Variants in MYRIP observed in about 807,000 individuals in gnomAD.
MYRIP encodes myosin VIIA and Rab interacting protein.
MYRIP carries 49 observed loss-of-function variants against 98.0 expected under a neutral mutation model. The ratio of observed to expected loss-of-function variants is 0.50; its 90% confidence interval spans 0.40 to 0.63. The LOEUF is 0.63. MYRIP is among the 30% of genes least tolerant of loss of function. The probability of loss-of-function intolerance (pLI) is 0.00; values close to 1 mark genes in which losing one functional copy is unlikely to be tolerated. For synonymous variants in MYRIP, 404 were observed against 409.5 expected (o/e 0.99, Z 0.16); for missense variants, 1,004 against 1,058.2 (o/e 0.95, Z 0.71).
chr3:40,117,152 G>A (rs1186080335), intron 3 of MYRIP, among the ~76,000 whole-genome samples: 1 of 152,154 alleles, frequency 6.6e-6, no homozygotes, highest in Non-Finnish European at 1.5e-5. Context: ...TTGTTATTTT[G>A]ACATTTTTGT....
chr3:39,908,729 A>G (rs1467587782), intron 2 of MYRIP, among the ~76,000 whole-genome samples: 1 of 152,232 alleles, frequency 6.6e-6, no homozygotes, highest in Non-Finnish European at 1.5e-5. Flanking sequence ...TTCAAACAGT[A>G]ACATTCCTTT....
At chr3:40,142,277 T>C (rs1213901154) in intron 3 of MYRIP, among the ~76,000 whole-genome samples, 2 of 152,068 alleles carry the variant, frequency 1.3e-5, no homozygotes, top group Admixed American at 6.6e-5. Flanking sequence ...GGTCTCGAAC[T>C]CCCGACCTCA....
Position 39,895,347 on chromosome 3 carries a change from C to T in MYRIP, c.-30-5440C>T, listed in dbSNP as rs990191442. On this transcript the variant is annotated intron_variant, in intron 1 of 16. Coordinates refer to ENST00000302541, the MANE Select transcript of MYRIP (RefSeq NM_015460.4). ...GACTACAGGTGCCTGCCACCACGCT[C>T]GGCTAATTTTTGTATTTTTATTAGA... Among the ~76,000 whole-genome samples the T allele has an allele frequency of 4.0e-5, 6 of 151,868 alleles. No individual in the cohort carries two copies. In the East Asian group the frequency reaches 9.7e-4, roughly 24 times the overall value.
intron 3 of MYRIP, among the ~76,000 whole-genome samples, chr3:40,134,327 G>A (rs1385983164): frequency 6.6e-6 from 1 of 152,216 alleles, no homozygotes; most frequent in Admixed American, 6.5e-5. Flanking sequence ...GCGGCAGCGA[G>A]GCTGCGGGAG....
At chr3:40,051,412 G>T (rs761171401) in intron 3 of MYRIP, among the ~76,000 whole-genome samples, 3 of 151,982 alleles carry the variant, frequency 2.0e-5, no homozygotes, top group Non-Finnish European at 4.4e-5. Flanking sequence ...TACATTTTTG[G>T]GGCACAATGC....
rs752457113 is a variant in MYRIP, at chr3:40,166,866, T to G, written c.571T>G (p.Leu191Val). Residue 191 changes from leucine to valine, a missense_variant, in exon 6 of 17, where the codon TTG becomes GTG. By Grantham distance (32) the Leu-to-Val change is conservative. Transcript: ENST00000302541. ...TCTAGGACATAGTGTGATGGACACCTTGGCTGTGGCCCTACGGGTGGCTGA... is the reference window on the plus strand; with the variant it reads ...TCTAGGACATAGTGTGATGGACACCGTGGCTGTGGCCCTACGGGTGGCTGA... ...QSEGHSVMDT[L>V]AVALRVAEEA... The G allele has an allele frequency of 6.2e-7, 1 of 1,613,580 alleles. No homozygotes were observed. Among genetic ancestry groups the G allele is most frequent in the Non-Finnish European group, 8.5e-7 (1 of 1,179,512 alleles).
At chr3:40,158,157 A>G (rs979022300) in intron 4 of MYRIP, among the ~76,000 whole-genome samples, 4 of 151,342 alleles carry the variant, frequency 2.6e-5, no homozygotes, top group Admixed American at 2.6e-4. Flanking sequence ...CCCTCTACAC[A>G]CTGCTTTGAA....
At chr3:39,840,114 T>C (rs998984544) in intron 1 of MYRIP, among the ~76,000 whole-genome samples, 2 of 152,196 alleles carry the variant, frequency 1.3e-5, no homozygotes, top group Non-Finnish European at 2.9e-5. Context: ...CTAAGTCTTT[T>C]TGTAGGTCTC....
intron 1 of MYRIP, among the ~76,000 whole-genome samples, chr3:39,843,873 T>A (rs1941880975): frequency 6.6e-6 from 1 of 152,142 alleles, no homozygotes; most frequent in Admixed American, 6.5e-5. Context: ...GCAGTGGAGA[T>A]AGATTAGGTC....
chr3:40,026,688 T>C (rs181938052), intron 2 of MYRIP, among the ~76,000 whole-genome samples: 2 of 152,180 alleles, frequency 1.3e-5, no homozygotes, highest in Middle Eastern at 3.2e-3. Context: ...CATTCACTGT[T>C]CAGTCTGCAA....
chr3:39,998,362 A>G (rs1946423730), intron 2 of MYRIP, among the ~76,000 whole-genome samples: 1 of 152,230 alleles, frequency 6.6e-6, no homozygotes, highest in Non-Finnish European at 1.5e-5. Context: ...ATCTGCAAAA[A>G]TCACAAGCAT....
At chr3:40,050,388 C>T (rs1340252249) in intron 3 of MYRIP, among the ~76,000 whole-genome samples, 2 of 151,944 alleles carry the variant, frequency 1.3e-5, no homozygotes, top group African/African-American at 2.4e-5. Context: ...AACAACAAAG[C>T]CTGAATGATA....
chr3:40,074,331 C>T (rs1415801142), intron 3 of MYRIP, among the ~76,000 whole-genome samples: 1 of 151,970 alleles, frequency 6.6e-6, no homozygotes, highest in Non-Finnish European at 1.5e-5. Context: ...ACCTTGGCCT[C>T]CCAAAGTGCT....
chr3:39,932,401 C>T (rs542044793), intron 2 of MYRIP, among the ~76,000 whole-genome samples: 1 of 152,028 alleles, frequency 6.6e-6, no homozygotes, highest in East Asian at 1.9e-4. Flanking sequence ...CACTCTGTTG[C>T]CCAGGCTGGA....
At position 40,241,331 on chromosome 3, in the gene MYRIP, T is replaced by C. The variant is rs554656396; in HGVS notation, c.2101-3115T>C. Among the ~76,000 whole-genome samples, 3 of 152,318 alleles carry C rather than the reference T, an allele frequency of 2.0e-5. No homozygotes were observed. In the South Asian group the frequency reaches 6.2e-4, roughly 32 times the overall value. ...AGATCCATGCAGAGGATGTTGGTCCTCTTTCTTAAAGTTCTCCTACAACCC... is the reference window on the plus strand; with the variant it reads ...AGATCCATGCAGAGGATGTTGGTCCCCTTTCTTAAAGTTCTCCTACAACCC... On this transcript the variant is annotated intron_variant, in intron 12 of 16. Coordinates refer to ENST00000302541, the MANE Select transcript of MYRIP (RefSeq NM_015460.4).
intron 2 of MYRIP, among the ~76,000 whole-genome samples, chr3:39,914,558 A>T (rs1944107990): frequency 6.6e-6 from 1 of 152,096 alleles, no homozygotes; most frequent in Non-Finnish European, 1.5e-5. Flanking sequence ...ATCTATATTA[A>T]CTTCAATCTA....
chr3:39,948,056 A>G (rs566491648), intron 2 of MYRIP, among the ~76,000 whole-genome samples: 5 of 152,202 alleles, frequency 3.3e-5, no homozygotes, highest in African/African-American at 4.8e-5. Context: ...AAATTATTCT[A>G]TGCAAATTTT....
intron 2 of MYRIP, among the ~76,000 whole-genome samples, chr3:39,978,544 C>T (rs560723542): frequency 1.3e-5 from 2 of 152,304 alleles, no homozygotes; most frequent in East Asian, 3.9e-4. Context: ...TAATTGTGGA[C>T]TTTATGTTCC....
intron 1 of MYRIP, among the ~76,000 whole-genome samples, chr3:39,832,403 T>C (rs1941478296): frequency 6.6e-6 from 1 of 152,236 alleles, no homozygotes; most frequent in South Asian, 2.1e-4. Flanking sequence ...TTGTATTTTT[T>C]ACTCTTTTAG....
Sources: allele counts gnomAD v4.1 joint callset (sites outside exome capture counted in the v4.1 genomes callset), GRCh38; gene constraint gnomAD v4.1.1; transcripts MANE v1.5; gene names NCBI Gene and HGNC (gene_info 2026-07-23, HGNC 2026-07-21).